DCAF1: variants seen among roughly 807,000 people sequenced by gnomAD.
DCAF1 encodes DDB1- and CUL4-associated factor 1.
DCAF1 carries 15 observed loss-of-function variants against 128.0 expected under a neutral mutation model. That is an observed-to-expected ratio of 0.12 (90% CI 0.08 to 0.18). The LOEUF (loss-of-function observed/expected upper bound fraction) is 0.18, where lower values mean the gene tolerates loss of function less well. Among genes scored for constraint, DCAF1 ranks in the 10% least tolerant of loss-of-function variants. The pLI is 1.00. For missense variants in DCAF1, 988 were observed against 1,649.5 expected, an observed-to-expected ratio of 0.60 and a Z score of 6.95; for synonymous variants, 610 against 603.0, an observed-to-expected ratio of 1.01 and a Z score of -0.17.
At chr3:51,485,908 TTTGAGGCAGAG>T (rs1706893200) in intron 2 of DCAF1, among the ~76,000 whole-genome samples, 1 of 96,086 alleles carries the variant, frequency 1.0e-5, no homozygotes. Flanking sequence ...TTTTTTTTTT[TTTGAGGCAGAG>T]TTTTGCTTTG....
At chr3:51,435,532 G>A (rs1245377591) in intron 9 of DCAF1, among the ~76,000 whole-genome samples, 3 of 151,982 alleles carry the variant, frequency 2.0e-5, no homozygotes, top group Non-Finnish European at 2.9e-5. Flanking sequence ...CCAACATTGT[G>A]AAACCTAGCC....
chr3:51,440,605 A>T (rs1424117564), intron 9 of DCAF1, among the ~76,000 whole-genome samples: 1 of 152,034 alleles, frequency 6.6e-6, no homozygotes, highest in Admixed American at 6.6e-5. Flanking sequence ...CTATCTCTAA[A>T]AATAAATAAG....
At chr3:51,438,003 T>C (rs1553637421) in intron 9 of DCAF1, 1 of 336,818 alleles carries the variant, frequency 3.0e-6, no homozygotes, top group East Asian at 9.6e-5. Context: ...TTGTGTTCCA[T>C]TCAAATCTTG....
intron 6 of DCAF1, among the ~76,000 whole-genome samples, chr3:51,457,914 C>T (rs1703099339): frequency 6.6e-6 from 1 of 152,248 alleles, no homozygotes; most frequent in South Asian, 2.1e-4. Flanking sequence ...CTGAAGGAAG[C>T]ACTAAACATG....
chr3:51,403,382 T>C lies in DCAF1; in HGVS notation c.4226A>G (p.Gln1409Arg), dbSNP rs782641340. 105 of 1,552,196 alleles carry C rather than the reference T, an allele frequency of 6.8e-5. No homozygotes were observed. The highest frequency in any genetic ancestry group is 3.5e-6 in the Non-Finnish European group (4 of 1,147,198). The change falls in exon 24 of 25, where the codon CAG (glutamine) becomes CGG (arginine). Residue 1409 changes from glutamine to arginine, a missense_variant. Gln to Arg is a conservative substitution (Grantham distance 43, BLOSUM62 1). This residue lies in a region of DCAF1 where 97 missense variants were observed against 134.5 expected (regional missense o/e 0.72). Coordinates refer to ENST00000684031, the MANE Select transcript of DCAF1 (RefSeq NM_001387579.1). ...ATCTTCATCATCATCTTCTTCCTCCTGTTCTTCCTCTTCCTGGTAAGAAAG... is the reference window on the plus strand; with the variant it reads ...ATCTTCATCATCATCTTCTTCCTCCCGTTCTTCCTCTTCCTGGTAAGAAAG... ...DEEEDQEEEE[Q>R]EEEDDDEDDD...
intron 9 of DCAF1, chr3:51,436,280 A>C: frequency 7.4e-6 from 3 of 402,924 alleles, no homozygotes; most frequent in Non-Finnish European, 1.5e-5. Flanking sequence ...ATTGAGATAC[A>C]TGTTACTCAG....
intron 6 of DCAF1, among the ~76,000 whole-genome samples, chr3:51,453,640 A>T (rs1702577171): frequency 6.6e-6 from 1 of 151,988 alleles, no homozygotes; most frequent in East Asian, 1.9e-4. Flanking sequence ...AAGAAGATTA[A>T]AATTTTAATA....
At chr3:51,450,511 C>A (rs538510899) in intron 6 of DCAF1, among the ~76,000 whole-genome samples, 1 of 152,166 alleles carries the variant, frequency 6.6e-6, no homozygotes, top group Non-Finnish European at 1.5e-5. Context: ...CAAGTCAATA[C>A]CCTGTAATGA....
upstream of DCAF1, among the ~76,000 whole-genome samples, chr3:51,501,831 T>C (rs781950718): frequency 6.6e-6 from 1 of 152,166 alleles, no homozygotes; most frequent in Non-Finnish European, 1.5e-5. Context: ...GCCAGTACCA[T>C]TTCTTTCAAC....
chr3:51,452,690 A>G (rs1702472655), intron 6 of DCAF1, among the ~76,000 whole-genome samples: 1 of 152,188 alleles, frequency 6.6e-6, no homozygotes, highest in African/African-American at 2.4e-5. Context: ...CAAGGACAAC[A>G]TGGAAATTTT....
Position 51,416,826 on chromosome 3 carries a change from G to A in DCAF1, c.3564C>T (p.Ser1188=). ...CTTTTGTGCCGATGACCCGATCCTGGGAGTGCTTACTGAACTCAACATAGT... is the reference window on the plus strand; with the variant it reads ...CTTTTGTGCCGATGACCCGATCCTGAGAGTGCTTACTGAACTCAACATAGT... ...EDHYVEFSKH[S]QDRVIGTKGD... is the part of the protein sequence containing the mutation. The change falls in exon 18 of 25, where the codon TCC becomes TCT. Residue 1188 remains serine (S), a synonymous_variant. Transcript: ENST00000684031. The A allele has an allele frequency of 1.2e-6, 2 of 1,611,868 alleles. No individual in the cohort carries two copies. The highest frequency in any genetic ancestry group is 2.2e-5 in the East Asian group (1 of 44,840).
At chr3:51,450,041 C>T (rs1553641148) in intron 6 of DCAF1, among the ~76,000 whole-genome samples, 2 of 152,206 alleles carry the variant, frequency 1.3e-5, no homozygotes, top group East Asian at 1.9e-4. Context: ...GTAAATTCTA[C>T]GAAACATTTA....
rs781879249 is a variant in DCAF1, at chr3:51,416,811, G to A, written c.3579C>T (p.Ile1193=). ...CGTGGGCAATGTCTCCTTTTGTGCC[G>A]ATGACCCGATCCTGGGAGTGCTTAC... ...EFSKHSQDRV[I]GTKGDIAHIY... The change falls in exon 18 of 25, where the codon ATC becomes ATT. Residue 1193 remains isoleucine, a synonymous_variant. Coordinates refer to ENST00000684031, the MANE Select transcript of DCAF1 (RefSeq NM_001387579.1). The A allele has an allele frequency of 1.4e-5, 23 of 1,611,312 alleles. No homozygotes were observed. The highest frequency in any genetic ancestry group is 1.0e-4 in the Admixed American group (6 of 59,696).
At chr3:51,423,837 G>C (rs1415691175) in intron 13 of DCAF1, among the ~76,000 whole-genome samples, 6 of 145,494 alleles carry the variant, frequency 4.1e-5, no homozygotes, top group Non-Finnish European at 7.6e-5. Flanking sequence ...AAAAAAAAAA[G>C]AAAGAAAGAA....
At chr3:51,462,102 C>T (rs1703660196) in intron 6 of DCAF1, among the ~76,000 whole-genome samples, 2 of 151,402 alleles carry the variant, frequency 1.3e-5, no homozygotes, top group South Asian at 2.1e-4. Context: ...AAAAAAACCA[C>T]ACAACATATA....
downstream of DCAF1, chr3:51,396,762 A>C (rs1276879137): frequency 1.8e-5 from 3 of 167,076 alleles, no homozygotes. Context: ...TGTCTCCCCC[A>C]CAGAGACCTG....
intron 9 of DCAF1, among the ~76,000 whole-genome samples, chr3:51,437,557 T>C (rs1700965061): frequency 6.6e-6 from 1 of 152,186 alleles, no homozygotes; most frequent in South Asian, 2.1e-4. Context: ...TGCTCACATC[T>C]GTAATCCCAG....
chr3:51,419,583 G>GTT, intron 15 of DCAF1, 151 bp downstream of exon 15: 1 of 1,370,922 alleles, frequency 7.3e-7, no homozygotes, highest in Non-Finnish European at 9.6e-7. Flanking sequence ...GGAACCCATG[G>GTT]TTGACAAAAG....
At chr3:51,438,742 G>T (rs935857170) in intron 9 of DCAF1, among the ~76,000 whole-genome samples, 12 of 152,140 alleles carry the variant, frequency 7.9e-5, no homozygotes, top group African/African-American at 2.9e-4. Context: ...CTCCCGAGTA[G>T]CTGGGATTAT....
Sources: allele counts gnomAD v4.1 joint callset (sites outside exome capture counted in the v4.1 genomes callset), GRCh38; gene constraint gnomAD v4.1.1; regional missense constraint gnomAD v4.1.1; transcripts MANE v1.5; gene names NCBI Gene and HGNC (gene_info 2026-07-23, HGNC 2026-07-21).